Variants in PI16 observed in about 807,000 individuals in gnomAD.
PI16 encodes peptidase inhibitor 16.
A neutral mutation model predicts 38.0 loss-of-function variants in PI16; 35 were observed. The observed-to-expected ratio is 0.92, with a 90% confidence interval of 0.70 to 1.22. PI16 has a LOEUF of 1.22. Ranked by LOEUF, PI16 falls within the 50% of genes most tolerant of loss-of-function variation. The probability of loss-of-function intolerance (pLI) is 0.00; values close to 1 mark genes in which losing one functional copy is unlikely to be tolerated. For missense variants in PI16, 572 were observed against 593.8 expected (o/e 0.96, Z 0.38); for synonymous variants, 275 against 252.9 (o/e 1.09, Z -0.83).
chr6:36,954,657 C>T (rs1763155367), upstream of PI16: 30 of 1,489,992 alleles, frequency 2.0e-5, no homozygotes, highest in South Asian at 2.1e-4. Flanking sequence ...GCCTCAAACA[C>T]GGCCCCCACT....
chr6:36,951,404 C>G (rs1049056931), upstream of PI16, among the ~76,000 whole-genome samples: 6 of 152,042 alleles, frequency 3.9e-5, no homozygotes, highest in Non-Finnish European at 8.8e-5. Flanking sequence ...TGCATGCCAC[C>G]ATGCCCAGCT....
intron 2 of PI16, among the ~76,000 whole-genome samples, chr6:36,960,253 C>A (rs2150737694): frequency 6.6e-6 from 1 of 151,926 alleles, no homozygotes; most frequent in Middle Eastern, 3.4e-3. Flanking sequence ...GATAGAATTT[C>A]CTGCTCCCCA....
intron 1 of PI16, among the ~76,000 whole-genome samples, chr6:36,956,942 C>T (rs1041200272): frequency 1.3e-5 from 2 of 152,162 alleles, no homozygotes; most frequent in African/African-American, 2.4e-5. Context: ...TTCAATTGTC[C>T]TTGAAATCTA....
At chr6:36,959,056 A>T in intron 1 of PI16, 89 bp from the exon 2 acceptor site, 1 of 1,172,148 alleles carries the variant, frequency 8.5e-7, no homozygotes. Context: ...AGGTGCCGGA[A>T]GGATTTCCCC....
At chr6:36,953,049 G>C (rs1327996301), upstream of PI16, among the ~76,000 whole-genome samples, 1 of 152,208 alleles carries the variant, frequency 6.6e-6, no homozygotes, top group South Asian at 2.1e-4. Flanking sequence ...GCCAGGCGCA[G>C]TGGCTCACAC....
In PI16 at chr6:36,963,564, G is replaced by A. The variant is rs778812404; in HGVS notation, c.1222G>A (p.Ala408Thr). The change falls in exon 5 of 7, where the codon GCT (alanine) becomes ACT (threonine). Residue 408 changes from alanine to threonine, a missense_variant. Ala to Thr is a moderately conservative substitution (Grantham distance 58, BLOSUM62 0). Transcript: ENST00000373674. ...CAATTTCCCCAATACCTCTGCCACC[G>A]CTAATGCCACGGGTGGGCGTGCCCT... ...LPNFPNTSATANATGGRALAL... is the reference protein window; with the variant it reads ...LPNFPNTSATTNATGGRALAL... 7.4e-6 allele frequency: 12 copies of A among 1,614,182 alleles called. No individual in the cohort carries two copies. Among genetic ancestry groups the A allele is most frequent in the East Asian group, 4.5e-5 (2 of 44,892 alleles).
At chr6:36,960,670 C>A (rs1763339846) in intron 2 of PI16, among the ~76,000 whole-genome samples, 1 of 148,524 alleles carries the variant, frequency 6.7e-6, no homozygotes, top group African/African-American at 2.5e-5. Flanking sequence ...CCCCCACCCA[C>A]TTGCTCCTGC....
chr6:36,958,678 G>A (rs923055506), intron 1 of PI16, among the ~76,000 whole-genome samples: 3 of 152,192 alleles, frequency 2.0e-5, no homozygotes, highest in Admixed American at 6.5e-5. Flanking sequence ...GGAAGGTGCC[G>A]GCCCTCAAGT....
intron 1 of PI16, among the ~76,000 whole-genome samples, chr6:36,957,025 C>T (rs1187647544): frequency 6.6e-6 from 1 of 152,092 alleles, no homozygotes; most frequent in Non-Finnish European, 1.5e-5. Flanking sequence ...CACACAAGGA[C>T]TCCTAGGATA....
rs1763048563 is a variant in PI16 at position 36,948,611 on chromosome 6, T to C, written c.-82+207T>C. Among the ~76,000 whole-genome samples, 3 of 97,712 alleles carry C rather than the reference T, an allele frequency of 3.1e-5. No homozygotes were observed. In the South Asian group the frequency reaches 1.1e-3, roughly 34 times the overall value. The allele number at this position is 97,712 out of a possible 152,430, so 64.1% of individuals were successfully genotyped here. A position where few individuals can be genotyped will look rare whatever the true frequency, so the allele number is the denominator to read the frequency against. ...CCACGCCCAGCTCTGTGTTTCTTTC[T>C]TTTTTTTTTTCCTTCCTTCCTCCTT... On this transcript the variant is annotated intron_variant, in intron 1 of 7. Coordinates refer to the PI16 transcript ENST00000611814.
At chr6:36,950,865 C>T (rs761336308), upstream of PI16, among the ~76,000 whole-genome samples, 2 of 152,242 alleles carry the variant, frequency 1.3e-5, no homozygotes, top group Middle Eastern at 3.4e-3. This position sits in a 1 kb window ranked among gnomAD's most constrained non-coding sequence, Gnocchi z 4.2. Flanking sequence ...TTAACTCTTT[C>T]GCGTATATAC....
intron 1 of PI16, among the ~76,000 whole-genome samples, chr6:36,958,504 G>A (rs1171479798): frequency 6.6e-6 from 1 of 152,192 alleles, no homozygotes; most frequent in African/African-American, 2.4e-5. Context: ...TGAGAGGCCT[G>A]TGACATTCAG....
In PI16 at chr6:36,963,848, C is replaced by T. The variant is rs374966574; in HGVS notation, c.1296C>T (p.Ser432=). 1.9e-5 allele frequency: 30 copies of T among 1,611,274 alleles called. No individual in the cohort carries two copies. The highest frequency in any genetic ancestry group is 1.6e-4 in the African/African-American group (12 of 74,814). ...GTGCAGAGGGCCCTGACAAGCCTAG[C>T]GTCGTGTCAGGGCTGAACTCGGGCC... is the stretch of plus-strand genomic sequence containing the variant. ...LPGAEGPDKP[S]VVSGLNSGPG... The change falls in exon 6 of 7, where the codon AGC becomes AGT. Residue 432 remains serine, a synonymous_variant. Transcript: ENST00000373674.
At chr6:36,956,495 G>A (rs753093191) in intron 1 of PI16, among the ~76,000 whole-genome samples, 13 of 152,218 alleles carry the variant, frequency 8.5e-5, no homozygotes, top group Non-Finnish European at 1.3e-4. Context: ...CTAATGGGGA[G>A]TGACATGAGG....
At chr6:36,958,610 G>C (rs950806861) in intron 1 of PI16, among the ~76,000 whole-genome samples, 1 of 152,164 alleles carries the variant, frequency 6.6e-6, no homozygotes, top group East Asian at 1.9e-4. Context: ...GGAGCCTGCA[G>C]AGGGTAAAGG....
chr6:36,952,541 G>C (rs1763117389), upstream of PI16, among the ~76,000 whole-genome samples: 1 of 152,118 alleles, frequency 6.6e-6, no homozygotes, highest in African/African-American at 2.4e-5. Flanking sequence ...AGTTTTCTAA[G>C]TCTTCTTTAA....
intron 3 of PI16, 50 bp from the exon 4 acceptor site, chr6:36,961,836 G>A: frequency 6.9e-7 from 1 of 1,440,316 alleles, no homozygotes; most frequent in Non-Finnish European, 9.8e-7. Context: ...TGGGGAGAGG[G>A]TTGGGAGGGG....
At position 36,959,288 on chromosome 6, in the gene PI16, G is replaced by C; in HGVS notation, c.315G>C (p.Glu105Asp). The change falls in exon 2 of 7, where the codon GAG becomes GAC. Residue 105 changes from glutamate to aspartate, a missense_variant. Physicochemically the swap from Glu to Asp is conservative, Grantham distance 45. Coordinates refer to ENST00000373674, the MANE Select transcript of PI16 (RefSeq NM_153370.3). ...EGMDVPLAMEEWHHEREHYNL... is the reference protein window; with the variant it reads ...EGMDVPLAMEDWHHEREHYNL... ...TGGACGTGCCGCTGGCCATGGAGGA[G>C]TGGCACCACGAGCGTGAGCACTACA... The C allele has an allele frequency of 3.1e-6, 5 of 1,596,356 alleles. No individual in the cohort carries two copies. The highest frequency in any genetic ancestry group is 4.3e-6 in the Non-Finnish European group (5 of 1,172,052).
chr6:36,958,174 T>TAG (rs2150735988), intron 1 of PI16, among the ~76,000 whole-genome samples: 1 of 152,344 alleles, frequency 6.6e-6, no homozygotes, highest in South Asian at 2.1e-4. Context: ...CTTGGCGCTT[T>TAG]ATGGGCTGTC....
Sources: gnomAD v4.1 joint callset for allele counts (sites outside exome capture counted in the v4.1 genomes callset) on GRCh38, gnomAD v4.1.1 for gene constraint, Gnocchi (gnomAD v3.1) non-coding constraint, MANE v1.5 for transcripts, NCBI Gene and HGNC (gene_info 2026-07-23, HGNC 2026-07-21) for gene names.